The following SSH2 variants were observed in gnomAD, a reference collection of about 807,000 sequenced individuals.
SSH2 encodes protein phosphatase Slingshot homolog 2.
Under a neutral mutation model 135.2 loss-of-function variants are expected in SSH2, and 37 were observed. The ratio of observed to expected loss-of-function variants is 0.27; its 90% CI spans 0.21 to 0.36. The LOEUF is 0.36. Ranked by LOEUF, SSH2 falls within the 10% of genes least tolerant of loss-of-function variation. SSH2 has a pLI of 1.00. For missense variants in SSH2, 1,408 were observed against 1,765.3 expected (o/e 0.80, Z 3.63); for synonymous variants, 628 against 646.2 (o/e 0.97, Z 0.43).
intron 3 of SSH2, among the ~76,000 whole-genome samples, chr17:29,790,660 T>C (rs2042048228): frequency 6.6e-6 from 1 of 152,180 alleles, no homozygotes; most frequent in African/African-American, 2.4e-5. Flanking sequence ...GTCTAATTTA[T>C]CTATTTTTGT....
chr17:29,831,186 T>C (rs565311734), intron 2 of SSH2, among the ~76,000 whole-genome samples: 1 of 152,100 alleles, frequency 6.6e-6, no homozygotes, highest in East Asian at 1.9e-4. Context: ...TTAAAGAAAT[T>C]TGAGAAGGAA....
chr17:29,750,190 C>A (rs2040884048), intron 3 of SSH2, among the ~76,000 whole-genome samples: 2 of 151,420 alleles, frequency 1.3e-5, no homozygotes, highest in Admixed American at 6.6e-5. Flanking sequence ...GTAATCCCAG[C>A]ACTTTGGGAG....
At chr17:29,832,153 G>GT (rs1034066270) in intron 2 of SSH2, among the ~76,000 whole-genome samples, 7 of 151,766 alleles carry the variant, frequency 4.6e-5, no homozygotes, top group Admixed American at 2.0e-4. Context: ...GCTATCTTCT[G>GT]TTTTTTTTGA....
chr17:29,663,479 TATA>T, intron 11 of SSH2, among the ~76,000 whole-genome samples: 1 of 152,344 alleles, frequency 6.6e-6, no homozygotes, highest in East Asian at 1.9e-4. Context: ...AAGGAACAAG[TATA>T]ATAAGATGTT....
intron 1 of SSH2, among the ~76,000 whole-genome samples, chr17:29,917,537 T>TGCTG (rs1398752648): frequency 2.6e-5 from 4 of 152,240 alleles, no homozygotes; most frequent in African/African-American, 9.6e-5. Flanking sequence ...AACAAACTTC[T>TGCTG]GCTGAACTGC....
intron 1 of SSH2, among the ~76,000 whole-genome samples, chr17:29,850,097 A>C (rs559017266): frequency 6.6e-6 from 1 of 151,632 alleles, no homozygotes; most frequent in East Asian, 1.9e-4. Flanking sequence ...GGCACCAGAA[A>C]ACAATTTAAA....
At chr17:29,665,908 G>A (rs556680201) in intron 11 of SSH2, among the ~76,000 whole-genome samples, 1 of 152,318 alleles carries the variant, frequency 6.6e-6, no homozygotes, top group African/African-American at 2.4e-5. Context: ...GGGACTCAAA[G>A]TGTAGCTACA....
At chr17:29,649,124 G>A (rs1377738784) in intron 13 of SSH2, among the ~76,000 whole-genome samples, 2 of 151,064 alleles carry the variant, frequency 1.3e-5, no homozygotes, top group Admixed American at 6.6e-5. Context: ...CTGGGCAACA[G>A]AGCAAGACTC....
At chr17:29,877,250 G>A (rs2066050805) in intron 1 of SSH2, among the ~76,000 whole-genome samples, 1 of 152,144 alleles carries the variant, frequency 6.6e-6, no homozygotes, top group South Asian at 2.1e-4. Context: ...GTGGAAAAAA[G>A]GGAACCCTTG....
chr17:29,868,737 C>CAA (rs10670727), intron 1 of SSH2, among the ~76,000 whole-genome samples: 10,423 of 119,974 alleles, frequency 0.087, 598 homozygotes, highest in African/African-American at 0.2. Flanking sequence ...GACTCCACCT[C>CAA]AAAAAAAAAA....
chr17:29,792,866 G>GAA (rs1386352532), intron 3 of SSH2, among the ~76,000 whole-genome samples: 3 of 152,146 alleles, frequency 2.0e-5, no homozygotes, highest in Non-Finnish European at 4.4e-5. Context: ...AGTGGAGACA[G>GAA]GGTTTCACCG....
intron 11 of SSH2, among the ~76,000 whole-genome samples, chr17:29,656,193 C>G (rs1050917276): frequency 1.3e-5 from 2 of 151,790 alleles, no homozygotes; most frequent in African/African-American, 4.8e-5. Flanking sequence ...TCTTTTTTTT[C>G]TGAGACAGCG....
At chr17:29,802,646 A>G (rs927819206) in intron 2 of SSH2, among the ~76,000 whole-genome samples, 66 of 151,544 alleles carry the variant, frequency 4.4e-4, no homozygotes, top group African/African-American at 1.6e-3. Context: ...AAAGAAAAGA[A>G]AAAAAAAGTA....
At chr17:29,770,594 T>C (rs1450336050) in intron 3 of SSH2, among the ~76,000 whole-genome samples, 1 of 152,004 alleles carries the variant, frequency 6.6e-6, no homozygotes, top group African/African-American at 2.4e-5. Context: ...TACCTCAGCC[T>C]CCTGAGTAGC....
intron 14 of SSH2, among the ~76,000 whole-genome samples, chr17:29,646,151 AACTGATCC>A (rs1245993706): frequency 2.6e-5 from 4 of 152,220 alleles, no homozygotes; most frequent in Non-Finnish European, 4.4e-5. Flanking sequence ...CATCTCAGGA[AACTGATCC>A]TTAAATCACT....
At chr17:29,895,187 T>C (rs1010102660) in intron 1 of SSH2, among the ~76,000 whole-genome samples, 5 of 144,888 alleles carry the variant, frequency 3.5e-5, no homozygotes, top group African/African-American at 1.3e-4. Flanking sequence ...TACATATATT[T>C]TATATACATT....
At chr17:29,827,773 G>C (rs1271233612) in intron 2 of SSH2, among the ~76,000 whole-genome samples, 1 of 148,372 alleles carries the variant, frequency 6.7e-6, no homozygotes, top group Non-Finnish European at 1.5e-5. Context: ...TAAATAGAAT[G>C]AATGAGTACA....
intron 12 of SSH2, among the ~76,000 whole-genome samples, chr17:29,652,821 C>G (rs1449625806): frequency 6.6e-6 from 1 of 152,044 alleles, no homozygotes; most frequent in South Asian, 2.1e-4. Flanking sequence ...CCACTCCCAC[C>G]TAATTTTTGT....
chr17:29,640,533 G>A (rs1158655513), intron 14 of SSH2: 1 of 152,148 alleles, frequency 6.6e-6, no homozygotes, highest in African/African-American at 2.4e-5. Context: ...TCTTCCTTGG[G>A]GAGAAAATCA....
Sources: allele counts gnomAD v4.1 joint callset (sites outside exome capture counted in the v4.1 genomes callset), GRCh38; gene constraint gnomAD v4.1.1; transcripts MANE v1.5; gene names NCBI Gene and HGNC (gene_info 2026-07-23, HGNC 2026-07-21).